The following ST6GALNAC3 variants were observed in gnomAD, a reference collection of about 807,000 sequenced individuals.
ST6GALNAC3 encodes ST6 N-acetylgalactosaminide alpha-2,6-sialyltransferase 3, also known as alpha-N-acetylgalactosaminide alpha-2,6-sialyltransferase 3.
ST6GALNAC3 carries 25 observed loss-of-function variants against 32.7 expected under a neutral mutation model. The ratio of observed to expected loss-of-function variants is 0.76; its 90% CI spans 0.56 to 1.07. The LOEUF (loss-of-function observed/expected upper bound fraction) is 1.07, where lower values mean the gene tolerates loss of function less well. ST6GALNAC3 is among the 50% of genes least tolerant of loss of function. ST6GALNAC3 has a pLI of 0.00. For missense variants in ST6GALNAC3, 355 were observed against 382.4 expected (o/e 0.93, Z 0.60); for synonymous variants, 129 against 133.1 (o/e 0.97, Z 0.21).
chr1:76,154,020 T>C (rs1198532579), intron 1 of ST6GALNAC3, among the ~76,000 whole-genome samples: 1 of 152,168 alleles, frequency 6.6e-6, no homozygotes, highest in Non-Finnish European at 1.5e-5. Context: ...GGAGGGCTTT[T>C]TCCGTGATGA....
chr1:76,155,606 G>C (rs983972561), intron 1 of ST6GALNAC3, among the ~76,000 whole-genome samples: 1 of 149,880 alleles, frequency 6.7e-6, no homozygotes, highest in South Asian at 2.1e-4. Context: ...TAGCTGGGAC[G>C]ACAGGCGCCC....
Position 76,599,540 on chromosome 1 carries a change from G to A in ST6GALNAC3, c.624-27912G>A, listed in dbSNP as rs547375061. On this transcript the variant is annotated intron_variant, in intron 3 of 4. Transcript: ENST00000328299. ...CTCCCCCTTATGAGTGAGAACATGC[G>A]GTGTTTGGTTTTCTGTTCCTGTGAG... is the stretch of plus-strand genomic sequence containing the variant. Among the ~76,000 whole-genome samples the A allele has an allele frequency of 5.9e-5, 9 of 151,780 alleles. No homozygotes were observed. The South Asian group carries it at 1.7e-3, about 28-fold the overall frequency.
At chr1:76,388,472 A>G (rs1476200442) in intron 2 of ST6GALNAC3, among the ~76,000 whole-genome samples, 1 of 152,102 alleles carries the variant, frequency 6.6e-6, no homozygotes, top group African/African-American at 2.4e-5. Flanking sequence ...TTTTTTCATT[A>G]TTACTCTTTT....
chr1:76,346,524 C>G (rs1648528939), intron 2 of ST6GALNAC3, among the ~76,000 whole-genome samples: 1 of 152,208 alleles, frequency 6.6e-6, no homozygotes, highest in Non-Finnish European at 1.5e-5. Context: ...TAAAGCAAAA[C>G]ATAGACTTAT....
intron 3 of ST6GALNAC3, among the ~76,000 whole-genome samples, chr1:76,613,645 G>A (rs1487434955): frequency 1.3e-5 from 2 of 152,198 alleles, no homozygotes; most frequent in African/African-American, 4.8e-5. Flanking sequence ...CTGTTCTCCG[G>A]ACAGTGAGTG....
At chr1:76,344,584 G>A (rs1648336985) in intron 2 of ST6GALNAC3, among the ~76,000 whole-genome samples, 1 of 152,000 alleles carries the variant, frequency 6.6e-6, no homozygotes, top group Admixed American at 6.6e-5. Flanking sequence ...AGAGTAACCG[G>A]CACATAGTAG....
At chr1:76,208,194 GGCA>G (rs1187914637) in intron 1 of ST6GALNAC3, among the ~76,000 whole-genome samples, 10 of 152,344 alleles carry the variant, frequency 6.6e-5, no homozygotes, top group African/African-American at 2.4e-4. Context: ...AGGTCTGCCT[GGCA>G]CCACCAGTGG....
At chr1:76,379,347 G>A (rs35523814) in intron 2 of ST6GALNAC3, among the ~76,000 whole-genome samples, 16,035 of 151,722 alleles carry the variant, frequency 0.11, 1,155 homozygotes, top group African/African-American at 0.2. Context: ...ATTCACTCTC[G>A]GCAAACTCGC....
intron 1 of ST6GALNAC3, among the ~76,000 whole-genome samples, chr1:76,248,002 A>G (rs1332538112): frequency 1.3e-5 from 2 of 151,978 alleles, no homozygotes; most frequent in Non-Finnish European, 2.9e-5. Flanking sequence ...AATCTGTGGG[A>G]AAAGCGTAGT....
At chr1:76,628,280 C>T (rs1361386803) in intron 4 of ST6GALNAC3, among the ~76,000 whole-genome samples, 2 of 151,840 alleles carry the variant, frequency 1.3e-5, no homozygotes, top group African/African-American at 4.8e-5. Flanking sequence ...TCAGATGAGC[C>T]AATATCTTAC....
chr1:76,496,894 G>A (rs961519793), intron 3 of ST6GALNAC3, among the ~76,000 whole-genome samples: 5 of 152,186 alleles, frequency 3.3e-5, no homozygotes, highest in African/African-American at 9.6e-5. Context: ...TGCCCTCTAA[G>A]GCTGAGTGCT....
intron 1 of ST6GALNAC3, among the ~76,000 whole-genome samples, chr1:76,292,078 G>A (rs1212636601): frequency 6.6e-6 from 1 of 152,172 alleles, no homozygotes; most frequent in Non-Finnish European, 1.5e-5. Flanking sequence ...CATTTTGAGA[G>A]CTCTCCAAGA....
chr1:76,126,641 G>A (rs1450910251), intron 1 of ST6GALNAC3, among the ~76,000 whole-genome samples: 2 of 152,142 alleles, frequency 1.3e-5, no homozygotes, highest in African/African-American at 4.8e-5. Flanking sequence ...GTGGGCTTTG[G>A]ATTCAGAGCC....
At chr1:76,566,922 A>G (rs1665587500) in intron 3 of ST6GALNAC3, among the ~76,000 whole-genome samples, 1 of 152,136 alleles carries the variant, frequency 6.6e-6, no homozygotes, top group Non-Finnish European at 1.5e-5. Context: ...CCATTTTACC[A>G]TTGAAAATTC....
At chr1:76,378,830 C>A (rs993074552) in intron 2 of ST6GALNAC3, among the ~76,000 whole-genome samples, 1 of 152,096 alleles carries the variant, frequency 6.6e-6, no homozygotes, top group African/African-American at 2.4e-5. Flanking sequence ...TTATTTCCTT[C>A]ATTCCCAACT....
intron 1 of ST6GALNAC3, among the ~76,000 whole-genome samples, chr1:76,215,958 G>A (rs939909972): frequency 2.0e-5 from 3 of 152,166 alleles, no homozygotes; most frequent in Non-Finnish European, 4.4e-5. Context: ...ATTTTGTTGA[G>A]AATTTAAAGG....
intron 3 of ST6GALNAC3, among the ~76,000 whole-genome samples, chr1:76,549,271 G>T (rs530363433): frequency 1.3e-5 from 2 of 151,964 alleles, no homozygotes; most frequent in Non-Finnish European, 2.9e-5. Context: ...TGATGTCCCC[G>T]TGTCCCTTCC....
intron 1 of ST6GALNAC3, among the ~76,000 whole-genome samples, chr1:76,269,633 A>G (rs1191843372): frequency 2.0e-5 from 3 of 152,238 alleles, no homozygotes; most frequent in African/African-American, 4.8e-5. Flanking sequence ...TTCATTTGGT[A>G]GGTATCCAGT....
intron 3 of ST6GALNAC3, among the ~76,000 whole-genome samples, chr1:76,622,673 T>C (rs1179228823): frequency 2.0e-5 from 3 of 151,982 alleles, no homozygotes; most frequent in East Asian, 3.9e-4. Context: ...AGTGCTGAGA[T>C]TGATAAACTC....
Sources: gnomAD v4.1 joint callset for allele counts (sites outside exome capture counted in the v4.1 genomes callset) on GRCh38, gnomAD v4.1.1 for gene constraint, MANE v1.5 for transcripts, NCBI Gene and HGNC (gene_info 2026-07-23, HGNC 2026-07-21) for gene names.